The following PIK3C3 variants were observed in gnomAD, a reference collection of about 807,000 sequenced individuals.
PIK3C3 encodes the protein phosphatidylinositol 3-kinase catalytic subunit type 3.
Under a neutral mutation model 126.1 loss-of-function variants are expected in PIK3C3, and 95 were observed. That is an observed-to-expected ratio of 0.75 (90% CI 0.64 to 0.89). The LOEUF is 0.89. Ranked by LOEUF, PIK3C3 falls within the 40% of genes least tolerant of loss-of-function variation. The pLI is 0.00. For missense variants in PIK3C3, 829 were observed against 1,063.2 expected (o/e 0.78, Z 3.06); for synonymous variants, 374 against 360.0 (o/e 1.04, Z -0.44).
intron 24 of PIK3C3, among the ~76,000 whole-genome samples, chr18:42,076,196 A>G (rs1986022023): frequency 9.4e-6 from 1 of 106,802 alleles, no homozygotes; most frequent in Admixed American, 1.2e-4. Context: ...ATATATGCAC[A>G]CATATATATA....
Position 42,055,813 on chromosome 18 carries a change from A to G in PIK3C3, c.2264-2070A>G, listed in dbSNP as rs553604177. On this transcript the variant is annotated intron_variant, in intron 21 of 24. Transcript: ENST00000262039. ...ATTAAACAAAATGGAAATTTAAAAT[A>G]AACTTTACCATTAAATACTGTCAAA... is the stretch of plus-strand genomic sequence containing the variant. Among the ~76,000 whole-genome samples, 293 of 152,204 alleles carry G rather than the reference A, an allele frequency of 1.9e-3. 1 individual carries two copies. Among genetic ancestry groups the G allele is most frequent in the African/African-American group, 6.5e-3 (269 of 41,522 alleles).
chr18:42,056,338 A>C (rs4513183), intron 21 of PIK3C3, among the ~76,000 whole-genome samples: 24,412 of 152,086 alleles, frequency 0.16, 2,117 homozygotes, highest in East Asian at 0.29. Context: ...AGAAGGATAG[A>C]AATATACTCT....
intron 12 of PIK3C3, among the ~76,000 whole-genome samples, chr18:42,017,186 T>C (rs1245600063): frequency 1.3e-5 from 2 of 152,144 alleles, no homozygotes; most frequent in African/African-American, 2.4e-5. Flanking sequence ...GTCACCTTTA[T>C]GTTAATACAC....
chr18:42,009,782 T>A (rs1464704955), intron 10 of PIK3C3, among the ~76,000 whole-genome samples: 5 of 151,938 alleles, frequency 3.3e-5, no homozygotes, highest in Non-Finnish European at 7.4e-5. Flanking sequence ...AATGTAAGCA[T>A]TATGTCTAGA....
chr18:41,982,465 T>C (rs1254444928), intron 4 of PIK3C3, among the ~76,000 whole-genome samples: 1 of 152,174 alleles, frequency 6.6e-6, no homozygotes, highest in Non-Finnish European at 1.5e-5. Context: ...GAGATAGGGC[T>C]TTATTCTTTG....
chr18:42,058,082 G>A (rs775498897), intron 22 of PIK3C3, 31 bp downstream of exon 22: 1 of 1,516,032 alleles, frequency 6.6e-7, no homozygotes, highest in East Asian at 2.4e-5. Flanking sequence ...CAGAGAATTT[G>A]GGTAAATTTA....
intron 4 of PIK3C3, among the ~76,000 whole-genome samples, chr18:41,982,891 T>G (rs1004911942): frequency 6.6e-6 from 1 of 152,228 alleles, no homozygotes; most frequent in African/African-American, 2.4e-5. Context: ...TTAAGATACT[T>G]CTACCACATA....
chr18:41,961,966 C>T (rs953450621), intron 2 of PIK3C3, among the ~76,000 whole-genome samples: 5 of 152,080 alleles, frequency 3.3e-5, no homozygotes, highest in East Asian at 1.9e-4. Flanking sequence ...AGAAAATTCT[C>T]GCATAAGAAG....
intron 20 of PIK3C3, among the ~76,000 whole-genome samples, chr18:42,044,520 C>G (rs1389712649): frequency 6.6e-6 from 1 of 152,076 alleles, no homozygotes; most frequent in African/African-American, 2.4e-5. Context: ...TCAGGTGATT[C>G]TTCCACCTCA....
intron 4 of PIK3C3, chr18:41,970,853 T>C (rs186382686): frequency 1.3e-5 from 3 of 235,302 alleles, no homozygotes; most frequent in East Asian, 9.2e-5. Context: ...TGTGACCTTA[T>C]GTCTGGAAAT....
At chr18:42,050,561 C>T (rs1984757548) in intron 21 of PIK3C3, 1 of 152,236 alleles carries the variant, frequency 6.6e-6, no homozygotes, top group Non-Finnish European at 1.5e-5. Context: ...ACATCACCTA[C>T]CCAGTTGTTC....
At position 42,087,787 on chromosome 18, in the gene PIK3C3, TTAG is replaced by T. The variant is rs1485927693; in HGVS notation, c.*6654_*6656del. 2 of 152,182 alleles carry T rather than the reference TTAG, an allele frequency of 1.3e-5. No homozygotes were observed. Among genetic ancestry groups the T allele is most frequent in the Non-Finnish European group, 2.9e-5 (2 of 68,026 alleles). 9.4% of individuals were successfully genotyped at this position (152,182 alleles called of 1,614,324 possible). Reference sequence around the variant, plus strand: ...GTTAACTGTTTGTAAAAATAAATGGTTAGTAGAATGTCTAATTCAATAAATGTT... The same window carrying T: ...GTTAACTGTTTGTAAAAATAAATGGTTAGAATGTCTAATTCAATAAATGTT... On this transcript the variant is annotated 3_prime_UTR_variant, in exon 25 of 25. Transcript: ENST00000262039.
intron 13 of PIK3C3, among the ~76,000 whole-genome samples, chr18:42,023,237 A>C (rs964867553): frequency 6.6e-6 from 1 of 152,178 alleles, no homozygotes; most frequent in African/African-American, 2.4e-5. Flanking sequence ...TTCAAGTTAC[A>C]TATTCTTTGT....
rs756078618 is a variant in PIK3C3, at chr18:41,970,412, A to G, written c.487A>G (p.Thr163Ala). 6.2e-7 allele frequency: 1 copy of G among 1,614,032 alleles called. No homozygotes were observed. The highest frequency in any genetic ancestry group is 1.3e-5 in the African/African-American group (1 of 75,028). The change falls in exon 4 of 25, where the codon ACA becomes GCA. Residue 163 changes from threonine (T) to alanine (A), a missense_variant. By Grantham distance (58) the Thr-to-Ala change is moderately conservative. Around this residue, in one of 4 missense-constraint regions of PIK3C3, gnomAD observed 313 missense variants for 340.7 expected, o/e 0.92. Coordinates refer to ENST00000262039, the MANE Select transcript of PIK3C3 (RefSeq NM_002647.4). ...AGAACCCACAAAAACTCCTGGCAGA[A>G]CAAGTAGCACTCTCTCAGAAGATCA... is the stretch of plus-strand genomic sequence containing the variant. ...GSEPTKTPGR[T>A]SSTLSEDQMS... is the part of the protein sequence containing the mutation.
chr18:42,015,516 C>T lies in PIK3C3; in HGVS notation c.1366C>T (p.Pro456Ser), dbSNP rs991803735. 26 of 1,613,592 alleles carry T rather than the reference C, an allele frequency of 1.6e-5. No individual in the cohort carries two copies. The highest frequency in any genetic ancestry group is 1.9e-5 in the Non-Finnish European group (23 of 1,179,860). ...ITSPLPSVSS[P>S]PPASKTKEVP... ...CAGCCCCCTTCCTTCAGTCTCTTCA[C>T]CTCCTCCTGCATCAAAAACAAAAGA... Residue 456 changes from proline (P) to serine (S), a missense_variant, in exon 12 of 25, where the codon CCT becomes TCT. Transcript: ENST00000262039.
At chr18:42,060,730 T>G (rs1985278590) in intron 22 of PIK3C3, among the ~76,000 whole-genome samples, 1 of 151,986 alleles carries the variant, frequency 6.6e-6, no homozygotes, top group South Asian at 2.1e-4. Flanking sequence ...TGAGCCAAAA[T>G]CACACCACTG....
chr18:41,971,613 A>G (rs761314408), intron 4 of PIK3C3, among the ~76,000 whole-genome samples: 19 of 152,042 alleles, frequency 1.2e-4, no homozygotes, highest in Non-Finnish European at 2.8e-4. Flanking sequence ...GTCTACCTTT[A>G]AGACTTTATC....
At chr18:42,014,140 A>AGAG (rs1567983626) in intron 11 of PIK3C3, among the ~76,000 whole-genome samples, 1 of 140,386 alleles carries the variant, frequency 7.1e-6, no homozygotes, top group African/African-American at 2.6e-5. Context: ...CCCGGGAGGT[A>AGAG]GAGGGTGTAG....
At chr18:41,986,275 C>T (rs113532666) in intron 4 of PIK3C3, among the ~76,000 whole-genome samples, 1,644 of 152,140 alleles carry the variant, frequency 0.011, 29 homozygotes, top group African/African-American at 0.038. Context: ...TTCTCCATTC[C>T]TATAGGAAGT....
Sources: allele counts gnomAD v4.1 joint callset (sites outside exome capture counted in the v4.1 genomes callset), GRCh38; gene constraint gnomAD v4.1.1; regional missense constraint gnomAD v4.1.1; transcripts MANE v1.5; gene names NCBI Gene and HGNC (gene_info 2026-07-23, HGNC 2026-07-21).